DCAF6: variants seen among roughly 807,000 people sequenced by gnomAD.
DCAF6 encodes the protein DDB1 and CUL4 associated factor 6, also known as DDB1- and CUL4-associated factor 6.
DCAF6 carries 54 observed loss-of-function variants against 125.1 expected under a neutral mutation model. That is an observed-to-expected ratio of 0.43 (90% CI 0.35 to 0.54). DCAF6 has a LOEUF of 0.54. DCAF6 is among the 20% of genes least tolerant of loss of function. The probability of loss-of-function intolerance (pLI) is 0.01; values close to 1 mark genes in which losing one functional copy is unlikely to be tolerated. For missense variants in DCAF6, 934 were observed against 1,161.7 expected (o/e 0.80, Z 2.85); for synonymous variants, 371 against 390.4 (o/e 0.95, Z 0.58).
chr1:167,868,879 GT>G, the DCAF6 span, among the ~76,000 whole-genome samples: 1 of 152,204 alleles, frequency 6.6e-6, no homozygotes, highest in African/African-American at 2.4e-5. Context: ...GTTGCAAGCT[GT>G]TTTAGAAATC....
At chr1:167,899,525 G>A in the DCAF6 span, 1 of 1,614,208 alleles carries the variant, frequency 6.2e-7, no homozygotes, top group Non-Finnish European at 8.5e-7. Context: ...TCTGAGCCAT[G>A]TTCTGGGCAA....
chr1:168,055,371 T>TA (rs1261725739), intron 17 of DCAF6, among the ~76,000 whole-genome samples: 1 of 42,872 alleles, frequency 2.3e-5, no homozygotes, highest in Non-Finnish European at 3.8e-5. Context: ...AACGAAGAAG[T>TA]ATTTTATTAT....
chr1:167,901,248 T>C, the DCAF6 span, among the ~76,000 whole-genome samples: 1 of 152,208 alleles, frequency 6.6e-6, no homozygotes, highest in South Asian at 2.1e-4. Context: ...CACCTCATTC[T>C]TATGAGGTAG....
chr1:167,915,655 TAGTC>T, the DCAF6 span, among the ~76,000 whole-genome samples: 3 of 152,148 alleles, frequency 2.0e-5, no homozygotes, highest in Non-Finnish European at 2.9e-5. Flanking sequence ...TTCACCATGT[TAGTC>T]AGTCTTGTCG....
At chr1:167,976,657 T>C (rs7517933) in intron 4 of DCAF6, among the ~76,000 whole-genome samples, 16,472 of 152,144 alleles carry the variant, frequency 0.11, 1,005 homozygotes, top group African/African-American at 0.16. Context: ...TACTCTTCTC[T>C]TGAATAAAGG....
At chr1:168,055,945 T>G in intron 17 of DCAF6, 4 of 1,588,606 alleles carry the variant, frequency 2.5e-6, no homozygotes, top group Non-Finnish European at 3.4e-6. Flanking sequence ...GCTTCTTCAC[T>G]CATAAGTTCA....
the DCAF6 span, chr1:167,914,108 C>A: frequency 6.6e-6 from 1 of 152,424 alleles, no homozygotes; most frequent in Admixed American, 6.5e-5. Context: ...CTGTCTATAG[C>A]TGACCCATAA....
the DCAF6 span, among the ~76,000 whole-genome samples, chr1:167,891,581 G>T: frequency 6.6e-6 from 1 of 150,746 alleles, no homozygotes; most frequent in African/African-American, 2.4e-5. Context: ...GCATGAACCC[G>T]GGAGGCGGAG....
chr1:167,938,295 C>T (rs1671661509), intron 1 of DCAF6, among the ~76,000 whole-genome samples: 1 of 151,830 alleles, frequency 6.6e-6, no homozygotes, highest in South Asian at 2.1e-4. Context: ...AGAGAGACAC[C>T]TGAGTGCATG....
chr1:167,895,193 A>C, the DCAF6 span, among the ~76,000 whole-genome samples: 1 of 152,014 alleles, frequency 6.6e-6, no homozygotes, highest in Non-Finnish European at 1.5e-5. Context: ...AAAAAAAAAA[A>C]AAAAGGAATT....
intron 13 of DCAF6, among the ~76,000 whole-genome samples, chr1:168,040,116 G>A (rs557093155): frequency 2.0e-5 from 3 of 152,128 alleles, no homozygotes; most frequent in Non-Finnish European, 2.9e-5. Flanking sequence ...TCATTGAGAA[G>A]GTGACATTTG....
chr1:168,020,288 A>G lies in DCAF6; in HGVS notation c.1550-2700A>G, dbSNP rs116036262. Among the ~76,000 whole-genome samples, 773 of 152,322 alleles carry G rather than the reference A, an allele frequency of 5.1e-3. 5 individuals carry two copies. The highest frequency in any genetic ancestry group is 0.017 in the African/African-American group (719 of 41,552). On this transcript the variant is annotated intron_variant, in intron 11 of 21. Coordinates refer to ENST00000367840, the MANE Select transcript of DCAF6 (RefSeq NM_001198956.2). ...GTTAAATAACTTGCCCAGGGTTACA[A>G]TATTACTGAGTAGAAAAACCACATT... is the stretch of plus-strand genomic sequence containing the variant.
chr1:168,054,225 C>T (rs956810599), intron 17 of DCAF6, among the ~76,000 whole-genome samples: 4 of 152,114 alleles, frequency 2.6e-5, no homozygotes, highest in Non-Finnish European at 5.9e-5. Context: ...GCATTTTTTA[C>T]AGTTACGGAG....
In DCAF6 at chr1:168,003,808, T is replaced by TTGTA. The variant is rs1682963754; in HGVS notation, c.998-60_998-57dup. On this transcript the variant is annotated intron_variant, in intron 8 of 21. Coordinates refer to ENST00000367840, the MANE Select transcript of DCAF6 (RefSeq NM_001198956.2). Reference sequence around the variant, plus strand: ...TTTAAAGCCCTTCAAATCTAGGTTTTTGTATTAATGAAAGATTCTGACTTA... The same window carrying TTGTA: ...TTTAAAGCCCTTCAAATCTAGGTTTTTGTATGTATTAATGAAAGATTCTGACTTA... 10 of 1,450,990 alleles carry TTGTA rather than the reference T, an allele frequency of 6.9e-6. No homozygotes were observed. The South Asian group carries it at 1.0e-4, about 15-fold the overall frequency. The allele number at this position is 1,450,990 out of a possible 1,614,324, so 89.9% of individuals were successfully genotyped here.
At chr1:168,010,275 T>A (rs1225484688) in intron 10 of DCAF6, among the ~76,000 whole-genome samples, 2 of 152,164 alleles carry the variant, frequency 1.3e-5, no homozygotes, top group Non-Finnish European at 1.5e-5. Context: ...TATATATATA[T>A]ATTTGTTTGT....
At position 168,065,616 on chromosome 1, in the gene DCAF6, T is replaced by A; in HGVS notation, c.2466T>A (p.Ala822=). 1 of 1,608,688 alleles carries A rather than the reference T, an allele frequency of 6.2e-7. No homozygotes were observed. Among genetic ancestry groups the A allele is most frequent in the Non-Finnish European group, 8.5e-7 (1 of 1,176,826 alleles). ...TMIKEANFWG[A]NFVMSGSDCG... ...TAAAAGAAGCCAATTTCTGGGGTGC[T>A]AACTTTGTAATGAGTGGTTCTGACT... is the stretch of plus-strand genomic sequence containing the variant. Residue 822 remains alanine (A), a synonymous_variant, in exon 19 of 22, where the codon GCT becomes GCA. Transcript: ENST00000367840.
At chr1:167,961,305 C>A (rs777429828) in intron 2 of DCAF6, among the ~76,000 whole-genome samples, 3 of 152,106 alleles carry the variant, frequency 2.0e-5, no homozygotes, top group African/African-American at 7.2e-5. Flanking sequence ...TGCAGTGGCG[C>A]GATCTCGGCT....
Position 167,974,963 on chromosome 1 carries a change from C to G in DCAF6, c.386C>G (p.Ala129Gly), listed in dbSNP as rs1677913496. The G allele has an allele frequency of 1.7e-5, 28 of 1,607,124 alleles. No homozygotes were observed. Among genetic ancestry groups the G allele is most frequent in the Non-Finnish European group, 2.3e-5 (27 of 1,177,114 alleles). ...TTTTATACCAACGTTGAGCAAGATG[C>G]AGAAACCAACAGACAATGCCAATTT... ...VIFYTNVEQD[A>G]ETNRQCQFTC... is the part of the protein sequence containing the mutation. The change falls in exon 4 of 22, where the codon GCA becomes GGA. Residue 129 changes from alanine (A) to glycine (G), a missense_variant. By Grantham distance (60) the Ala-to-Gly change is moderately conservative. Around this residue, in one of 5 missense-constraint regions of DCAF6, gnomAD observed 309 missense variants for 381.2 expected, o/e 0.81. Transcript: ENST00000367840.
intron 12 of DCAF6, among the ~76,000 whole-genome samples, chr1:168,033,232 G>C (rs1225731608): frequency 1.3e-5 from 2 of 151,252 alleles, no homozygotes; most frequent in African/African-American, 4.9e-5. Flanking sequence ...TTATATTTCA[G>C]CTTATTCTGA....
Sources: allele counts gnomAD v4.1 joint callset (sites outside exome capture counted in the v4.1 genomes callset), GRCh38; gene constraint gnomAD v4.1.1; regional missense constraint gnomAD v4.1.1; transcripts MANE v1.5; gene names NCBI Gene and HGNC (gene_info 2026-07-23, HGNC 2026-07-21).